PRTFDC1: variants seen among roughly 807,000 people sequenced by gnomAD.
PRTFDC1 encodes the protein phosphoribosyl transferase domain containing 1, also known as phosphoribosyltransferase domain-containing protein 1.
Under a neutral mutation model 34.6 loss-of-function variants are expected in PRTFDC1, and 38 were observed. The ratio of observed to expected loss-of-function variants is 1.10; its 90% CI spans 0.85 to 1.44. The LOEUF (loss-of-function observed/expected upper bound fraction) is 1.44. Ranked by LOEUF, PRTFDC1 falls within the 40% of genes most tolerant of loss-of-function variation. The probability of loss-of-function intolerance (pLI) is 0.00; values close to 1 mark genes in which losing one functional copy is unlikely to be tolerated. For missense variants in PRTFDC1, 270 were observed against 283.0 expected (o/e 0.95, Z 0.33); for synonymous variants, 93 against 98.1 (o/e 0.95, Z 0.31).
Position 24,849,760 on chromosome 10 carries a change from G to C in PRTFDC1, c.*84C>G. The C allele has an allele frequency of 1.5e-6, 2 of 1,342,972 alleles. No homozygotes were observed. Among genetic ancestry groups the C allele is most frequent in the Non-Finnish European group, 2.1e-6 (2 of 937,438 alleles). 83.2% of individuals were successfully genotyped at this position (1,342,972 alleles called of 1,614,324 possible). A position where few individuals can be genotyped will look rare whatever the true frequency, so the allele number is the denominator to read the frequency against. On this transcript the variant is annotated 3_prime_UTR_variant, in exon 9 of 9. Transcript: ENST00000320152. ...ATATCCTGCTGAGTGAAGATGCCTG[G>C]GGGGACAAACTTGACAGCTGGCTTC...
chr10:24,905,029 A>G lies in PRTFDC1; in HGVS notation c.339+32155T>C, dbSNP rs895559718. On this transcript the variant is annotated intron_variant, in intron 3 of 8. Transcript: ENST00000320152. ...TTATGTACAAAAGTCTATGCTAGCC[A>G]GGTGTGGTGTCACATGCCTGTAATC... 5.3e-5 allele frequency among the ~76,000 whole-genome samples: 8 copies of G among 152,064 alleles called. No homozygotes were observed. The South Asian group carries it at 6.2e-4, about 12-fold the overall frequency.
At chr10:24,884,961 C>T (rs1034068849) in intron 3 of PRTFDC1, among the ~76,000 whole-genome samples, 5 of 152,146 alleles carry the variant, frequency 3.3e-5, no homozygotes, top group African/African-American at 1.2e-4. Context: ...TCAGTCCCAT[C>T]CAGGGTGCAG....
At chr10:24,908,869 T>G in intron 3 of PRTFDC1, 1 of 914,534 alleles carries the variant, frequency 1.1e-6, no homozygotes, top group Non-Finnish European at 1.6e-6. Context: ...AGAAGACCTC[T>G]GGCTGGGGTG....
chr10:24,951,025 C>T (rs1178110390), intron 1 of PRTFDC1, among the ~76,000 whole-genome samples: 4 of 152,122 alleles, frequency 2.6e-5, no homozygotes, highest in African/African-American at 2.4e-5. Flanking sequence ...CCATCCATCA[C>T]ACCGCTAGGC....
chr10:24,916,207 A>G, intron 3 of PRTFDC1, among the ~76,000 whole-genome samples: 1 of 152,092 alleles, frequency 6.6e-6, no homozygotes. Context: ...AAATCCAAAT[A>G]CTGCTCACCA....
chr10:24,919,578 G>A (rs4504964), intron 3 of PRTFDC1, among the ~76,000 whole-genome samples: 26,522 of 152,160 alleles, frequency 0.17, 3,285 homozygotes, highest in African/African-American at 0.35. Context: ...CATGGGCCAA[G>A]ATTTCATGAC....
At chr10:24,908,053 T>C (rs1030835335) in intron 3 of PRTFDC1, among the ~76,000 whole-genome samples, 1 of 152,218 alleles carries the variant, frequency 6.6e-6, no homozygotes, top group Non-Finnish European at 1.5e-5. Flanking sequence ...AAAATTTTAC[T>C]TGAGGGCAAC....
Position 24,929,055 on chromosome 10 carries a change from A to AAG in PRTFDC1, c.339+8128_339+8129insCT, listed in dbSNP as rs61183518. Among the ~76,000 whole-genome samples, 2 of 105,076 alleles carry AAG rather than the reference A, an allele frequency of 1.9e-5. 1 individual carries two copies. The highest frequency in any genetic ancestry group is 7.5e-5 in the African/African-American group (2 of 26,718). 68.9% of individuals were successfully genotyped at this position (105,076 alleles called of 152,430 possible). ...GACTCCGTCTCAAAAAAAAAAAAAAAGAAAGAAAGAAAGAAAGAAAGGGAG... is the reference window on the plus strand; with the variant it reads ...GACTCCGTCTCAAAAAAAAAAAAAAAAGGAAAGAAAGAAAGAAAGAAAGGGAG... On this transcript the variant is annotated intron_variant, in intron 3 of 8. Transcript: ENST00000320152.
At chr10:24,934,399 G>C (rs1440097124) in intron 3 of PRTFDC1, among the ~76,000 whole-genome samples, 1 of 152,132 alleles carries the variant, frequency 6.6e-6, no homozygotes, top group Non-Finnish European at 1.5e-5. Context: ...TGAAAAACTC[G>C]TTCAGGCCAC....
At chr10:24,892,622 C>A (rs1249060692) in intron 3 of PRTFDC1, among the ~76,000 whole-genome samples, 2 of 152,042 alleles carry the variant, frequency 1.3e-5, no homozygotes, top group Non-Finnish European at 2.9e-5. Context: ...AAGTAGGTGA[C>A]ACAGTCCTGG....
At chr10:24,923,669 G>A (rs1027448142) in intron 3 of PRTFDC1, among the ~76,000 whole-genome samples, 5 of 152,168 alleles carry the variant, frequency 3.3e-5, no homozygotes, top group Non-Finnish European at 7.4e-5. Context: ...AAGACCAAAG[G>A]TAGATAAAAC....
intron 3 of PRTFDC1, among the ~76,000 whole-genome samples, chr10:24,909,332 C>A (rs1056618291): frequency 1.3e-5 from 2 of 152,158 alleles, no homozygotes; most frequent in Non-Finnish European, 2.9e-5. Flanking sequence ...TATTGTAGAA[C>A]TTTTAATACA....
At chr10:24,945,061 A>T (rs796226835) in intron 1 of PRTFDC1, among the ~76,000 whole-genome samples, 21 of 152,232 alleles carry the variant, frequency 1.4e-4, no homozygotes, top group African/African-American at 4.8e-4. Flanking sequence ...CCAGATTTCC[A>T]CATGGCTGTC....
intron 3 of PRTFDC1, among the ~76,000 whole-genome samples, chr10:24,927,524 T>G (rs979016432): frequency 1.9e-4 from 29 of 151,806 alleles, no homozygotes; most frequent in African/African-American, 6.8e-4. Flanking sequence ...ATCTGTAGCT[T>G]CAAAGGAAAT....
chr10:24,882,982 C>T (rs1848105491), intron 3 of PRTFDC1, among the ~76,000 whole-genome samples: 2 of 149,230 alleles, frequency 1.3e-5, no homozygotes, highest in South Asian at 4.2e-4. Context: ...CAATTTTAGC[C>T]AGGAAAAAAA....
At chr10:24,888,166 C>A (rs114723917) in intron 3 of PRTFDC1, among the ~76,000 whole-genome samples, 1,929 of 152,298 alleles carry the variant, frequency 0.013, 44 homozygotes, top group African/African-American at 0.044. Flanking sequence ...AGCCTCTGCA[C>A]CAGGCCCACT....
chr10:24,894,744 C>T (rs1189257524), intron 3 of PRTFDC1, among the ~76,000 whole-genome samples: 1 of 152,202 alleles, frequency 6.6e-6, no homozygotes. Context: ...TGGGAGACAG[C>T]ATAGGATAGT....
chr10:24,853,324 A>C (rs1203766817), intron 7 of PRTFDC1, among the ~76,000 whole-genome samples: 2 of 151,996 alleles, frequency 1.3e-5, no homozygotes, highest in African/African-American at 4.8e-5. Flanking sequence ...AAAAAGAAAA[A>C]AAAAAGGTAA....
At chr10:24,946,026 G>T (rs1462254116) in intron 1 of PRTFDC1, among the ~76,000 whole-genome samples, 1 of 152,130 alleles carries the variant, frequency 6.6e-6, no homozygotes, top group Non-Finnish European at 1.5e-5. Context: ...GATCATCCAG[G>T]TGTACAGCAC....
Sources: gnomAD v4.1 joint callset for allele counts (sites outside exome capture counted in the v4.1 genomes callset) on GRCh38, gnomAD v4.1.1 for gene constraint, MANE v1.5 for transcripts, NCBI Gene and HGNC (gene_info 2026-07-23, HGNC 2026-07-21) for gene names.